Variants in ZNF200 observed in about 807,000 individuals in gnomAD.
ZNF200 encodes the protein zinc finger protein 200.
ZNF200 carries 35 observed loss-of-function variants against 33.6 expected under a neutral mutation model. The ratio of observed to expected loss-of-function variants is 1.04; its 90% CI spans 0.80 to 1.38. The LOEUF (loss-of-function observed/expected upper bound fraction) is 1.38. Ranked by LOEUF, ZNF200 falls within the 40% of genes most tolerant of loss-of-function variation. The pLI, the probability that ZNF200 is intolerant of heterozygous loss-of-function variation, is 0.00. For synonymous variants in ZNF200, 209 were observed against 167.7 expected, an observed-to-expected ratio of 1.25 and a Z score of -1.90; for missense variants, 592 against 470.6, an observed-to-expected ratio of 1.26 and a Z score of -2.39.
Position 3,223,709 on chromosome 16 carries a change from G to A in ZNF200, c.*183C>T. The A allele has an allele frequency of 1.1e-6, 1 of 928,774 alleles. No homozygotes were observed. Among genetic ancestry groups the A allele is most frequent in the East Asian group, 2.6e-5 (1 of 38,858 alleles). The allele number at this position is 928,774 out of a possible 1,614,324, so 57.5% of individuals were successfully genotyped here. A position where few individuals can be genotyped will look rare whatever the true frequency, so the allele number is the denominator to read the frequency against. On this transcript the variant is annotated 3_prime_UTR_variant, in exon 5 of 5. Transcript: ENST00000414144. ...GATGCTGAGGTATAGCCCTTGAAAT[G>A]TTTTCTTCCCTGTGAATTTTCTAGC...
At chr16:3,226,128 C>A (rs1424829711) in intron 4 of ZNF200, 1 of 148,044 alleles carries the variant, frequency 6.8e-6, no homozygotes. Flanking sequence ...TCTCAGTTCA[C>A]TGCAAGCTCC....
chr16:3,228,504 AT>A (rs1280166849), intron 4 of ZNF200, among the ~76,000 whole-genome samples: 2 of 150,770 alleles, frequency 1.3e-5, no homozygotes, highest in Non-Finnish European at 1.5e-5. Context: ...TTTTTTAATT[AT>A]TTTTTTTGAG....
chr16:3,224,652 T>C lies in ZNF200; in HGVS notation c.467-39A>G, dbSNP rs1958422023. Reference sequence around the variant, plus strand: ...AGAATTTAACAACTTCTGAGAGATATCACAACACCAGGCAGGAAAAAACAA... The same window carrying C: ...AGAATTTAACAACTTCTGAGAGATACCACAACACCAGGCAGGAAAAAACAA... On this transcript the variant is annotated intron_variant, in intron 4 of 4. Transcript: ENST00000414144. 9.1e-6 allele frequency: 14 copies of C among 1,537,912 alleles called. 1 individual carries two copies. The highest frequency in any genetic ancestry group is 9.6e-6 in the Non-Finnish European group (11 of 1,147,438).
rs781050922 is a variant in ZNF200, at chr16:3,232,500, T to C, written c.387A>G (p.Glu129=). The change falls in exon 4 of 5, where the codon GAA becomes GAG. Residue 129 remains glutamate (E), a synonymous_variant. Transcript: ENST00000414144. ...EDLNVFHCQE[E]CVSLDPTQQL... The stretch of plus-strand genomic sequence containing the variant: ...GTTGAGTAGGATCCAAGCTCACACA[T>C]TCTTCCTGGCAGTGAAATACATTCA... 1.2e-6 allele frequency: 2 copies of C among 1,614,120 alleles called. No homozygotes were observed. Among genetic ancestry groups the C allele is most frequent in the Non-Finnish European group, 1.7e-6 (2 of 1,180,006 alleles).
chr16:3,225,651 T>C (rs1476749197), intron 4 of ZNF200: 1 of 152,110 alleles, frequency 6.6e-6, no homozygotes, highest in Non-Finnish European at 1.5e-5. Context: ...GAGCTATATA[T>C]TTACAATTGG....
At chr16:3,228,529 C>T (rs949266423) in intron 4 of ZNF200, among the ~76,000 whole-genome samples, 1 of 151,896 alleles carries the variant, frequency 6.6e-6, no homozygotes, top group African/African-American at 2.4e-5. Flanking sequence ...GAGTCTTGCT[C>T]TGTCCCCTAG....
Position 3,222,795 on chromosome 16 carries a change from G to A in ZNF200, c.*1097C>T, listed in dbSNP as rs933724481. On this transcript the variant is annotated 3_prime_UTR_variant, in exon 5 of 5. Transcript: ENST00000414144. ...AAGGTATGGATATCAAGAGGCTGAA[G>A]ACAATTAATACCCACTACAATGAAG... The A allele has an allele frequency of 3.3e-5, 5 of 152,218 alleles. No homozygotes were observed. The highest frequency in any genetic ancestry group is 5.9e-5 in the Non-Finnish European group (4 of 68,052). The allele number at this position is 152,218 out of a possible 1,614,324, so 9.4% of individuals were successfully genotyped here. A position where few individuals can be genotyped will look rare whatever the true frequency, so the allele number is the denominator to read the frequency against.
chr16:3,233,922 A>T, intron 1 of ZNF200, 86 bp from the exon 2 acceptor site: 7 of 1,091,144 alleles, frequency 6.4e-6, no homozygotes, highest in East Asian at 2.8e-5. Context: ...GTGAGGCTAC[A>T]TGAGATCTAA....
chr16:3,234,578 C>A (rs530974101), intron 1 of ZNF200: 1 of 152,448 alleles, frequency 6.6e-6, no homozygotes, highest in Non-Finnish European at 1.5e-5. Flanking sequence ...AATCTGGGGT[C>A]AATACCGAGG....
rs527497249 is a variant in ZNF200 at position 3,223,219 on chromosome 16, T to C, written c.*673A>G. 2 of 152,356 alleles carry C rather than the reference T, an allele frequency of 1.3e-5. No homozygotes were observed. Among genetic ancestry groups the C allele is most frequent in the African/African-American group, 2.4e-5 (1 of 41,578 alleles). 9.4% of individuals were successfully genotyped at this position (152,356 alleles called of 1,614,324 possible). ...GCAGAACAAAATACAATAAGAACAG[T>C]AGACACCTAAATTATGTTGTGAAAA... is the stretch of plus-strand genomic sequence containing the variant. On this transcript the variant is annotated 3_prime_UTR_variant, in exon 5 of 5. Transcript: ENST00000414144.
At chr16:3,230,847 C>T (rs1254030317) in intron 4 of ZNF200, among the ~76,000 whole-genome samples, 1 of 152,142 alleles carries the variant, frequency 6.6e-6, no homozygotes, top group African/African-American at 2.4e-5. Flanking sequence ...AAATCAATTC[C>T]ACCTTCTTCA....
Position 3,223,434 on chromosome 16 carries a change from T to C in ZNF200, c.*458A>G, listed in dbSNP as rs1048397038. 4.5e-5 allele frequency: 7 copies of C among 155,482 alleles called. No individual in the cohort carries two copies. Among genetic ancestry groups the C allele is most frequent in the African/African-American group, 1.4e-4 (6 of 41,566 alleles). The allele number at this position is 155,482 out of a possible 1,614,324, so 9.6% of individuals were successfully genotyped here. A position where few individuals can be genotyped will look rare whatever the true frequency, so the allele number is the denominator to read the frequency against. ...TTATATGAATTGCTATCAGAAGCTG[T>C]TGGCTAACAAGCCAGTAATTTGGTT... On this transcript the variant is annotated 3_prime_UTR_variant, in exon 5 of 5. Coordinates refer to ENST00000414144, the MANE Select transcript of ZNF200 (RefSeq NM_198088.3).
At chr16:3,232,695 C>A in intron 3 of ZNF200, 138 bp downstream of exon 3, 1 of 1,428,250 alleles carries the variant, frequency 7.0e-7, no homozygotes, top group Admixed American at 2.0e-5. Flanking sequence ...ACAGGACAGC[C>A]AGGCTGAGAA....
intron 4 of ZNF200, among the ~76,000 whole-genome samples, chr16:3,229,609 T>C (rs763049382): frequency 7.2e-5 from 11 of 151,992 alleles, no homozygotes; most frequent in Non-Finnish European, 8.8e-5. Context: ...TTCCAGAGTA[T>C]AGAAAAAGAA....
At chr16:3,232,331 G>T in intron 4 of ZNF200, 90 bp downstream of exon 4, 2 of 1,414,014 alleles carry the variant, frequency 1.4e-6, no homozygotes, top group Non-Finnish European at 1.9e-6. Context: ...AGGCTTACCA[G>T]GTGTGAATCG....
chr16:3,222,893 C>G lies in ZNF200; in HGVS notation c.*999G>C, dbSNP rs1202897300. 6.6e-6 allele frequency: 1 copy of G among 152,220 alleles called. No individual in the cohort carries two copies. The highest frequency in any genetic ancestry group is 1.5e-5 in the Non-Finnish European group (1 of 68,048). 9.4% of individuals were successfully genotyped at this position (152,220 alleles called of 1,614,324 possible). On this transcript the variant is annotated 3_prime_UTR_variant, in exon 5 of 5. Coordinates refer to ENST00000414144, the MANE Select transcript of ZNF200 (RefSeq NM_198088.3). ...AGACGTAATTTCTAATCATACAACA[C>G]TTTGCCTTGTGAGGTAGTGACCACC...
intron 3 of ZNF200, 40 bp downstream of exon 3, chr16:3,232,793 G>C (rs747423250): frequency 6.3e-7 from 1 of 1,599,318 alleles, no homozygotes; most frequent in South Asian, 1.1e-5. Flanking sequence ...AAGCACGGAA[G>C]GTGATGGATT....
At chr16:3,233,981 G>C in intron 1 of ZNF200, 145 bp from the exon 2 acceptor site, 1 of 523,272 alleles carries the variant, frequency 1.9e-6, no homozygotes, top group Non-Finnish European at 3.2e-6. Flanking sequence ...CGCAGTATTT[G>C]AACAAGATAT....
In ZNF200 at chr16:3,224,620, CAAAG is replaced by C. The variant is rs772382623; in HGVS notation, c.467-11_467-8del. The C allele has an allele frequency of 5.1e-6, 8 of 1,573,432 alleles. No individual in the cohort carries two copies. Among genetic ancestry groups the C allele is most frequent in the African/African-American group, 1.4e-5 (1 of 73,228 alleles). Reference sequence around the variant, plus strand: ...GGATTACTGCCATTGACTGCTGAAACAAAGAGAGAATTTAACAACTTCTGAGAGA... The same window carrying C: ...GGATTACTGCCATTGACTGCTGAAACAGAGAATTTAACAACTTCTGAGAGA... On this transcript the variant is annotated splice_region_variant and splice_polypyrimidine_tract_variant and intron_variant, in intron 4 of 4. Coordinates refer to ENST00000414144, the MANE Select transcript of ZNF200 (RefSeq NM_198088.3).
Sources: gnomAD v4.1 joint callset for allele counts (sites outside exome capture counted in the v4.1 genomes callset) on GRCh38, gnomAD v4.1.1 for gene constraint, MANE v1.5 for transcripts, NCBI Gene and HGNC (gene_info 2026-07-23, HGNC 2026-07-21) for gene names.